SLC25A21: variants seen among roughly 807,000 people sequenced by gnomAD.
SLC25A21 encodes solute carrier family 25 member 21, also known as mitochondrial 2-oxodicarboxylate carrier.
A neutral mutation model predicts 43.8 loss-of-function variants in SLC25A21; 47 were observed. The ratio of observed to expected loss-of-function variants is 1.07; its 90% CI spans 0.85 to 1.37. The LOEUF is 1.37. SLC25A21 is among the 40% of genes most tolerant of loss of function. The pLI, the probability that SLC25A21 is intolerant of heterozygous loss-of-function variation, is 0.00. For missense variants in SLC25A21, 352 were observed against 350.2 expected (o/e 1.00, Z -0.04); for synonymous variants, 131 against 121.3 (o/e 1.08, Z -0.52).
At chr14:36,767,820 G>C (rs1208229291) in intron 3 of SLC25A21, among the ~76,000 whole-genome samples, 3 of 152,174 alleles carry the variant, frequency 2.0e-5, no homozygotes, top group South Asian at 2.1e-4. Context: ...ATTCAGGCCC[G>C]TTGGTATCTG....
intron 7 of SLC25A21, among the ~76,000 whole-genome samples, chr14:36,690,094 GTGATA>G (rs1183456391): frequency 6.6e-6 from 1 of 152,178 alleles, no homozygotes; most frequent in African/African-American, 2.4e-5. Context: ...CCTGATCTGA[GTGATA>G]CCTATCTCAT....
intron 1 of SLC25A21, among the ~76,000 whole-genome samples, chr14:37,003,320 G>A (rs1226259576): frequency 6.6e-6 from 1 of 152,148 alleles, no homozygotes; most frequent in Non-Finnish European, 1.5e-5. Flanking sequence ...TACATGATGA[G>A]ATGAAGTGAG....
At chr14:37,043,112 G>A (rs921282668) in intron 1 of SLC25A21, among the ~76,000 whole-genome samples, 1 of 152,162 alleles carries the variant, frequency 6.6e-6, no homozygotes, top group African/African-American at 2.4e-5. Context: ...CAGACACAAC[G>A]TAAGTTCTGT....
intron 1 of SLC25A21, among the ~76,000 whole-genome samples, chr14:37,068,787 T>C (rs952851237): frequency 5.3e-5 from 8 of 152,214 alleles, no homozygotes; most frequent in Non-Finnish European, 7.3e-5. Context: ...AGAAATAATA[T>C]GGCAGAAAAA....
chr14:36,899,408 C>T (rs763104008), intron 1 of SLC25A21, among the ~76,000 whole-genome samples: 1 of 152,164 alleles, frequency 6.6e-6, no homozygotes, highest in Non-Finnish European at 1.5e-5. Flanking sequence ...AGGGTTTCAA[C>T]CTACTCTTGA....
chr14:37,130,514 T>C (rs1963375126), intron 1 of SLC25A21, among the ~76,000 whole-genome samples: 1 of 152,198 alleles, frequency 6.6e-6, no homozygotes, highest in South Asian at 2.1e-4. Context: ...GCATATGCAA[T>C]ATGTTATAAT....
At chr14:36,926,307 G>C (rs1655966727) in intron 1 of SLC25A21, among the ~76,000 whole-genome samples, 1 of 152,124 alleles carries the variant, frequency 6.6e-6, no homozygotes, top group Non-Finnish European at 1.5e-5. Context: ...AATATTTTTA[G>C]CTGGATGACA....
intron 1 of SLC25A21, among the ~76,000 whole-genome samples, chr14:37,133,432 AT>A (rs1963425054): frequency 6.6e-6 from 1 of 150,898 alleles, no homozygotes; most frequent in Non-Finnish European, 1.5e-5. Flanking sequence ...AATCCATGTG[AT>A]TCTCCTTCAA....
At chr14:36,943,517 T>C (rs536639247) in intron 1 of SLC25A21, among the ~76,000 whole-genome samples, 163 of 152,170 alleles carry the variant, frequency 1.1e-3, no homozygotes, top group Non-Finnish European at 2.0e-3. Flanking sequence ...TATCATGTCT[T>C]AGACATGTAG....
At chr14:36,810,168 G>A (rs955332409) in intron 3 of SLC25A21, among the ~76,000 whole-genome samples, 2 of 152,114 alleles carry the variant, frequency 1.3e-5, no homozygotes, top group African/African-American at 4.8e-5. Flanking sequence ...AGATCTAAAG[G>A]CATCACAGGA....
intron 1 of SLC25A21, among the ~76,000 whole-genome samples, chr14:36,981,612 C>T (rs1009766287): frequency 2.6e-5 from 4 of 152,130 alleles, no homozygotes; most frequent in African/African-American, 9.7e-5. Flanking sequence ...ACCGCGTGTT[C>T]TCACTCATAG....
intron 3 of SLC25A21, among the ~76,000 whole-genome samples, chr14:36,771,585 A>T (rs1350665661): frequency 1.3e-5 from 2 of 152,294 alleles, no homozygotes; most frequent in South Asian, 2.1e-4. Context: ...TCTACTCCTG[A>T]CTATGAGGAC....
chr14:37,041,756 G>A (rs1961477532), intron 1 of SLC25A21, among the ~76,000 whole-genome samples: 2 of 152,298 alleles, frequency 1.3e-5, no homozygotes, highest in South Asian at 4.1e-4. Context: ...ACATCTTGCT[G>A]TTTCTGAACA....
chr14:36,690,575 T>C (rs1050805013), intron 7 of SLC25A21, among the ~76,000 whole-genome samples: 7 of 152,232 alleles, frequency 4.6e-5, no homozygotes, highest in African/African-American at 1.7e-4. Context: ...ATTGGGTGTC[T>C]TTATATGTCC....
intron 1 of SLC25A21, among the ~76,000 whole-genome samples, chr14:37,058,215 T>C (rs2138808092): frequency 6.6e-6 from 1 of 152,296 alleles, no homozygotes; most frequent in Non-Finnish European, 1.5e-5. Flanking sequence ...GTTCAGAAAA[T>C]ATTTATTAAA....
intron 1 of SLC25A21, among the ~76,000 whole-genome samples, chr14:37,150,864 C>T (rs1300558081): frequency 6.6e-6 from 1 of 152,142 alleles, no homozygotes; most frequent in Non-Finnish European, 1.5e-5. Context: ...CCTCTACAAT[C>T]ATGCCCCAAA....
chr14:36,834,674 A>T (rs1889148553), intron 2 of SLC25A21, among the ~76,000 whole-genome samples: 1 of 152,188 alleles, frequency 6.6e-6, no homozygotes, highest in African/African-American at 2.4e-5. Context: ...TGAAACAGGA[A>T]AAGGGACACA....
At chr14:37,032,956 C>G (rs1158777590) in intron 1 of SLC25A21, among the ~76,000 whole-genome samples, 3 of 152,052 alleles carry the variant, frequency 2.0e-5, no homozygotes, top group Non-Finnish European at 4.4e-5. Flanking sequence ...AGTTTTCCAT[C>G]TTTTTAAAAA....
intron 1 of SLC25A21, among the ~76,000 whole-genome samples, chr14:36,995,480 T>G (rs1960352467): frequency 6.6e-6 from 1 of 152,192 alleles, no homozygotes; most frequent in African/African-American, 2.4e-5. Context: ...CTTTGAGTCT[T>G]TGACTGTAGG....
Sources: gnomAD v4.1 joint callset for allele counts (sites outside exome capture counted in the v4.1 genomes callset) on GRCh38, gnomAD v4.1.1 for gene constraint, MANE v1.5 for transcripts, NCBI Gene and HGNC (gene_info 2026-07-23, HGNC 2026-07-21) for gene names.